Variants in ABCC11 observed in about 807,000 individuals in gnomAD.
ABCC11 encodes ATP binding cassette subfamily C member 11.
ABCC11 carries 135 observed loss-of-function variants against 149.3 expected under a neutral mutation model. That is an observed-to-expected ratio of 0.90 (90% confidence interval 0.79 to 1.04). The LOEUF is 1.04. Among genes scored for constraint, ABCC11 ranks in the 50% least tolerant of loss-of-function variants. The pLI, the probability that ABCC11 is intolerant of heterozygous loss-of-function variation, is 0.00. For synonymous variants in ABCC11, 665 were observed against 671.4 expected (o/e 0.99, Z 0.15); for missense variants, 1,680 against 1,722.1 (o/e 0.98, Z 0.43).
intron 6 of ABCC11, among the ~76,000 whole-genome samples, chr16:48,222,081 A>ATTTT (rs113762005): frequency 7.3e-6 from 1 of 137,878 alleles, no homozygotes; most frequent in Non-Finnish European, 1.6e-5. Flanking sequence ...AGCCCAGCTA[A>ATTTT]TTTTTTTTTT....
In ABCC11 at chr16:48,177,023, G is replaced by C. The variant is rs1294235550; in HGVS notation, c.3439C>G (p.His1147Asp). The C allele has an allele frequency of 6.2e-7, 1 of 1,614,194 alleles. No homozygotes were observed. The highest frequency in any genetic ancestry group is 1.7e-5 in the Admixed American group (1 of 60,026). Residue 1147 changes from histidine to aspartate, a missense_variant, in exon 25 of 30, where the codon CAC becomes GAC. By Grantham distance (81) the His-to-Asp change is moderately conservative. Coordinates refer to ENST00000356608, the MANE Select transcript of ABCC11 (RefSeq NM_001370497.1). ...GGTGTGTTGTCTCTGTATTTCATGT[G>C]ATAATCCTGAAATATGATTTCCCCA... ...QHGEIIFQDY[H>D]MKYRDNTPTV...
intron 23 of ABCC11, among the ~76,000 whole-genome samples, chr16:48,182,499 GC>G (rs1050442303): frequency 6.6e-6 from 1 of 152,178 alleles, no homozygotes; most frequent in African/African-American, 2.4e-5. Flanking sequence ...GTAGTTTGGG[GC>G]GGGGCGCGGT....
At chr16:48,196,509 G>A (rs1451874639) in intron 17 of ABCC11, among the ~76,000 whole-genome samples, 188 bp from the exon 18 acceptor site, 6 of 152,196 alleles carry the variant, frequency 3.9e-5, no homozygotes, top group South Asian at 2.1e-4. Flanking sequence ...AGCCTGGAAA[G>A]GGATCCATCC....
chr16:48,183,355 C>T (rs1966561681), intron 23 of ABCC11, among the ~76,000 whole-genome samples: 1 of 152,250 alleles, frequency 6.6e-6, no homozygotes, highest in Non-Finnish European at 1.5e-5. Context: ...GCCAGTCGCT[C>T]TCTCTCCACA....
At chr16:48,180,195 C>T (rs553147725) in intron 23 of ABCC11, among the ~76,000 whole-genome samples, 1 of 152,202 alleles carries the variant, frequency 6.6e-6, no homozygotes, top group Admixed American at 6.5e-5. Flanking sequence ...GCTCATGATG[C>T]CATTCTGGCC....
At chr16:48,182,152 G>A (rs1430221130) in intron 23 of ABCC11, among the ~76,000 whole-genome samples, 1 of 152,240 alleles carries the variant, frequency 6.6e-6, no homozygotes, top group Non-Finnish European at 1.5e-5. Context: ...ACTGATACAT[G>A]TGCTCATGGA....
Position 48,196,251 on chromosome 16 carries a change from G to C in ABCC11, c.2385C>G (p.His795Gln). 6.2e-7 allele frequency: 1 copy of C among 1,614,166 alleles called. No individual in the cohort carries two copies. Among genetic ancestry groups the C allele is most frequent in the East Asian group, 2.2e-5 (1 of 44,862 alleles). The stretch of plus-strand genomic sequence containing the variant: ...CCGTACCTCCAGCTGCCTGGATGTA[G>C]TGGTGGTAGACCCTCCAACTCAAGG... ...EGSLSWRVYH[H>Q]YIQAAGGYMV... The change falls in exon 18 of 30, where the codon CAC becomes CAG. Residue 795 changes from histidine to glutamine, a missense_variant. By Grantham distance (24) the His-to-Gln change is conservative. Coordinates refer to ENST00000356608, the MANE Select transcript of ABCC11 (RefSeq NM_001370497.1).
chr16:48,195,512 G>C (rs905279508), intron 18 of ABCC11, among the ~76,000 whole-genome samples: 1 of 152,144 alleles, frequency 6.6e-6, no homozygotes, highest in Non-Finnish European at 1.5e-5. Context: ...TAAACGATGA[G>C]TAAAAAGTTT....
rs892441839 is a variant in ABCC11 at position 48,197,855 on chromosome 16, G to A, written c.2314+116C>T. ...TGGAACCTGTGTATGTAAATGCTTA[G>A]GGTCTCAAGACACTGAGGGACATGG... On this transcript the variant is annotated intron_variant, in intron 17 of 29. Coordinates refer to ENST00000356608, the MANE Select transcript of ABCC11 (RefSeq NM_001370497.1). 9 of 1,080,816 alleles carry A rather than the reference G, an allele frequency of 8.3e-6. No individual in the cohort carries two copies. The African/African-American group carries it at 9.3e-5, about 11-fold the overall frequency. The allele number at this position is 1,080,816 out of a possible 1,614,324, so 67.0% of individuals were successfully genotyped here.
At position 48,203,166 on chromosome 16, in the gene ABCC11, A is replaced by G. The variant is rs1018129293; in HGVS notation, c.1878+62T>C. Reference sequence around the variant, plus strand: ...GGATTCCTCCCTTCCCTGCCTGGGGAGGCAGCATGAACATAAGAGCACCAA... The same window carrying G: ...GGATTCCTCCCTTCCCTGCCTGGGGGGGCAGCATGAACATAAGAGCACCAA... On this transcript the variant is annotated intron_variant, in intron 14 of 29. Coordinates refer to ENST00000356608, the MANE Select transcript of ABCC11 (RefSeq NM_001370497.1). 7.5e-6 allele frequency: 11 copies of G among 1,464,402 alleles called. No homozygotes were observed. The African/African-American group carries it at 1.3e-4, about 17-fold the overall frequency. The allele number at this position is 1,464,402 out of a possible 1,614,324, so 90.7% of individuals were successfully genotyped here.
At chr16:48,224,936 T>C (rs572073726) in intron 4 of ABCC11, among the ~76,000 whole-genome samples, 1 of 152,206 alleles carries the variant, frequency 6.6e-6, no homozygotes, top group African/African-American at 2.4e-5. Context: ...GGCAGGAGAA[T>C]TGCTTGAACC....
intron 1 of ABCC11, among the ~76,000 whole-genome samples, chr16:48,236,076 A>G (rs1478214314): frequency 6.6e-6 from 1 of 152,200 alleles, no homozygotes; most frequent in Non-Finnish European, 1.5e-5. Context: ...TTAAGTGATT[A>G]GATCTTACTC....
chr16:48,170,146 G>C lies in ABCC11; in HGVS notation c.3850C>G (p.Gln1284Glu), dbSNP rs1468332097. The change falls in exon 28 of 30, where the codon CAG (glutamine) becomes GAG (glutamate). Residue 1284 changes from glutamine to glutamate, a missense_variant. Physicochemically the swap from Gln to Glu is conservative, Grantham distance 29. Coordinates refer to ENST00000356608, the MANE Select transcript of ABCC11 (RefSeq NM_001370497.1). ...ACAGCCCTGGCAATGCAGAGCAGCTGCCTCTCCCCCACAGAGAAGTTTCCA... is the reference window on the plus strand; with the variant it reads ...ACAGCCCTGGCAATGCAGAGCAGCTCCCTCTCCCCCACAGAGAAGTTTCCA... ...NGGNFSVGER[Q>E]LLCIARAVLR... 1 of 1,614,118 alleles carries C rather than the reference G, an allele frequency of 6.2e-7. No homozygotes were observed.
At chr16:48,232,070 T>C in intron 1 of ABCC11, 131 bp from the exon 2 acceptor site, 1 of 1,455,166 alleles carries the variant, frequency 6.9e-7, no homozygotes, top group Non-Finnish European at 9.1e-7. Flanking sequence ...GAGGTTTGGG[T>C]GCCTGCTCTT....
At chr16:48,239,517 G>C (rs556747927) in intron 1 of ABCC11, among the ~76,000 whole-genome samples, 8 of 144,820 alleles carry the variant, frequency 5.5e-5, no homozygotes, top group Admixed American at 1.4e-4. Flanking sequence ...AGCTGAGATC[G>C]TGCCACTGCA....
At chr16:48,181,103 C>T (rs1966399198) in intron 23 of ABCC11, among the ~76,000 whole-genome samples, 1 of 152,228 alleles carries the variant, frequency 6.6e-6, no homozygotes, top group African/African-American at 2.4e-5. Flanking sequence ...ACTGGGCAAC[C>T]TTCGCCCTGA....
intron 27 of ABCC11, 107 bp downstream of exon 27, chr16:48,170,782 A>T: frequency 9.7e-7 from 1 of 1,030,242 alleles, no homozygotes; most frequent in South Asian, 1.5e-5. Context: ...TGCATCCATG[A>T]CCCGAAGCAG....
At chr16:48,183,491 G>A (rs989654529) in intron 23 of ABCC11, among the ~76,000 whole-genome samples, 9 of 152,246 alleles carry the variant, frequency 5.9e-5, no homozygotes, top group African/African-American at 1.2e-4. Context: ...GGCTGGACAC[G>A]GTGGTTAACA....
chr16:48,240,870 G>A (rs73555630), intron 1 of ABCC11, among the ~76,000 whole-genome samples: 19,901 of 151,988 alleles, frequency 0.13, 1,619 homozygotes, highest in African/African-American at 0.23. Flanking sequence ...TCACCAAGTA[G>A]TCAAGATTCA....
Sources: gnomAD v4.1 joint callset for allele counts (sites outside exome capture counted in the v4.1 genomes callset) on GRCh38, gnomAD v4.1.1 for gene constraint, MANE v1.5 for transcripts, NCBI Gene and HGNC (gene_info 2026-07-23, HGNC 2026-07-21) for gene names.